FBXO4: variants seen among roughly 807,000 people sequenced by gnomAD.
FBXO4 encodes F-box protein 4, also known as F-box only protein 4.
FBXO4 carries 36 observed loss-of-function variants against 43.7 expected under a neutral mutation model. The observed-to-expected ratio is 0.82, with a 90% CI of 0.63 to 1.09. The LOEUF (loss-of-function observed/expected upper bound fraction) is 1.09. FBXO4 is among the 50% of genes least tolerant of loss of function. The pLI is 0.00. For synonymous variants in FBXO4, 180 were observed against 165.6 expected, an observed-to-expected ratio of 1.09 and a Z score of -0.67; for missense variants, 435 against 474.1, an observed-to-expected ratio of 0.92 and a Z score of 0.77.
chr5:41,950,128 G>A, the FBXO4 span, among the ~76,000 whole-genome samples: 1 of 152,100 alleles, frequency 6.6e-6, no homozygotes, highest in East Asian at 1.9e-4. Context: ...GAAAACCTAG[G>A]CAATACCATT....
chr5:41,967,167 C>A, the FBXO4 span: 28 of 455,814 alleles, frequency 6.1e-5, no homozygotes, highest in Non-Finnish European at 6.5e-5. Context: ...GCTCTTTAGA[C>A]TTCAGCACTT....
chr5:42,035,691 G>T, the FBXO4 span, among the ~76,000 whole-genome samples: 1 of 152,066 alleles, frequency 6.6e-6, no homozygotes, highest in African/African-American at 2.4e-5. Context: ...TGTTCCATGA[G>T]AAAAGAGGCT....
chr5:42,032,378 G>C, the FBXO4 span, among the ~76,000 whole-genome samples: 1 of 152,124 alleles, frequency 6.6e-6, no homozygotes, highest in African/African-American at 2.4e-5. Flanking sequence ...TCAGGCACTA[G>C]AATAAAAACC....
the FBXO4 span, among the ~76,000 whole-genome samples, chr5:42,016,399 A>G: frequency 2.6e-5 from 4 of 151,876 alleles, no homozygotes; most frequent in Non-Finnish European, 5.9e-5. Context: ...ATATGATGAC[A>G]TGATGATTGG....
chr5:41,974,437 G>GT, the FBXO4 span, among the ~76,000 whole-genome samples: 2 of 152,046 alleles, frequency 1.3e-5, no homozygotes, highest in Non-Finnish European at 2.9e-5. Flanking sequence ...TTTTTTGGAT[G>GT]TTTTTTTCCC....
At chr5:42,029,766 A>G in the FBXO4 span, among the ~76,000 whole-genome samples, 1 of 151,908 alleles carries the variant, frequency 6.6e-6, no homozygotes, top group East Asian at 1.9e-4. Context: ...CAGTATGCCA[A>G]TTGCATTTTT....
At chr5:41,997,791 G>C in the FBXO4 span, among the ~76,000 whole-genome samples, 17 of 152,132 alleles carry the variant, frequency 1.1e-4, no homozygotes, top group Non-Finnish European at 2.4e-4. Context: ...CTGGTAAAAG[G>C]CTGGGAGGTC....
intron 2 of FBXO4, 128 bp downstream of exon 2, chr5:41,927,376 A>C (rs1751542071): frequency 1.5e-6 from 1 of 660,288 alleles, no homozygotes; most frequent in African/African-American, 1.8e-5. Context: ...TGTTCTCGTC[A>C]AAACTGGGAG....
chr5:41,925,389 T>A lies in FBXO4; in HGVS notation c.80T>A (p.Ile27Asn). Residue 27 changes from isoleucine (I) to asparagine (N), a missense_variant, in exon 1 of 7, where the codon ATC becomes AAC. Transcript: ENST00000281623. ...GACTGGGGCCGCCTGGAGGCGGCCA[T>A]CCTCAGCGGCTGGAAGACCTTCTGG... ...FSDWGRLEAAILSGWKTFWQS... is the reference protein window; with the variant it reads ...FSDWGRLEAANLSGWKTFWQS... 7.2e-7 allele frequency: 1 copy of A among 1,387,082 alleles called. No individual in the cohort carries two copies. Among genetic ancestry groups the A allele is most frequent in the East Asian group, 3.1e-5 (1 of 32,558 alleles). The allele number at this position is 1,387,082 out of a possible 1,614,324, so 85.9% of individuals were successfully genotyped here. A position where few individuals can be genotyped will look rare whatever the true frequency, so the allele number is the denominator to read the frequency against.
the FBXO4 span, among the ~76,000 whole-genome samples, chr5:42,036,539 A>C: frequency 3.9e-5 from 6 of 152,272 alleles, no homozygotes; most frequent in East Asian, 1.2e-3. Context: ...AACAGAGAGA[A>C]AATCAGCCAT....
the FBXO4 span, among the ~76,000 whole-genome samples, chr5:42,008,416 G>A: frequency 6.6e-6 from 1 of 152,108 alleles, no homozygotes; most frequent in African/African-American, 2.4e-5. Context: ...AATTTGGGCA[G>A]GCTGTTTGAA....
At chr5:41,976,427 T>C in the FBXO4 span, among the ~76,000 whole-genome samples, 594 of 152,326 alleles carry the variant, frequency 3.9e-3, 8 homozygotes, top group African/African-American at 0.014. Context: ...GAAATCACTT[T>C]CTTCCAAGAT....
the FBXO4 span, among the ~76,000 whole-genome samples, chr5:42,032,057 C>CTG: frequency 0.095 from 13,181 of 139,180 alleles, 638 homozygotes; most frequent in Non-Finnish European, 0.12. Flanking sequence ...GTCTTTTTTT[C>CTG]TGTGTGTGTG....
intron 2 of FBXO4, chr5:41,928,413 C>T (rs1751578711): frequency 6.6e-6 from 1 of 151,528 alleles, no homozygotes; most frequent in South Asian, 2.1e-4. Context: ...CGGCTCACTG[C>T]AAGCTCCGCC....
chr5:41,927,301 A>T, intron 2 of FBXO4, 53 bp downstream of exon 2: 8 of 1,298,070 alleles, frequency 6.2e-6, no homozygotes, highest in Non-Finnish European at 8.6e-6. Context: ...TTCCTGTATT[A>T]CTAGTCAATA....
chr5:42,037,673 T>C, the FBXO4 span, among the ~76,000 whole-genome samples: 1 of 152,094 alleles, frequency 6.6e-6, no homozygotes, highest in African/African-American at 2.4e-5. Context: ...CATTCTTTCA[T>C]GTCCTGCATA....
chr5:42,025,527 C>A, the FBXO4 span, among the ~76,000 whole-genome samples: 2 of 151,990 alleles, frequency 1.3e-5, no homozygotes, highest in African/African-American at 4.8e-5. Context: ...CTTTGCTGTG[C>A]AGAAGCTTTT....
the FBXO4 span, among the ~76,000 whole-genome samples, chr5:41,997,467 C>A: frequency 6.6e-6 from 1 of 152,114 alleles, no homozygotes; most frequent in Admixed American, 6.5e-5. Flanking sequence ...TCATCCTTTC[C>A]CACCATAATA....
At chr5:42,006,343 G>A in the FBXO4 span, among the ~76,000 whole-genome samples, 3 of 151,928 alleles carry the variant, frequency 2.0e-5, no homozygotes, top group Non-Finnish European at 4.4e-5. Flanking sequence ...ATCATGCCAA[G>A]GACCCCTAAT....
Sources: gnomAD v4.1 joint callset for allele counts (sites outside exome capture counted in the v4.1 genomes callset) on GRCh38, gnomAD v4.1.1 for gene constraint, MANE v1.5 for transcripts, NCBI Gene and HGNC (gene_info 2026-07-23, HGNC 2026-07-21) for gene names.